BAZ2A: variants seen among roughly 807,000 people sequenced by gnomAD.
BAZ2A encodes bromodomain adjacent to zinc finger domain 2A, also known as bromodomain adjacent to zinc finger domain protein 2A.
Under a neutral mutation model 199.9 loss-of-function variants are expected in BAZ2A, and 34 were observed. That is an observed-to-expected ratio of 0.17 (90% CI 0.13 to 0.23). BAZ2A has a LOEUF of 0.23. Ranked by LOEUF, BAZ2A falls within the 10% of genes least tolerant of loss-of-function variation. BAZ2A has a pLI of 1.00. For missense variants in BAZ2A, 2,002 were observed against 2,391.1 expected, an observed-to-expected ratio of 0.84 and a Z score of 3.39; for synonymous variants, 857 against 883.9, an observed-to-expected ratio of 0.97 and a Z score of 0.54.
intron 1 of BAZ2A, among the ~76,000 whole-genome samples, chr12:56,624,989 T>C (rs889742934): frequency 3.3e-4 from 50 of 152,112 alleles, no homozygotes; most frequent in African/African-American, 1.2e-3. Context: ...TTTTATATAT[T>C]TGTTAATTAA....
At chr12:56,622,964 AG>A (rs1286381253) in intron 1 of BAZ2A, among the ~76,000 whole-genome samples, 3 of 152,174 alleles carry the variant, frequency 2.0e-5, no homozygotes, top group African/African-American at 7.2e-5. Context: ...GACAACACCA[AG>A]AGCAGTGGCT....
At position 56,613,132 on chromosome 12, in the gene BAZ2A, A is replaced by G. The variant is rs758135628; in HGVS notation, c.1018T>C (p.Cys340Arg). The change falls in exon 5 of 29, where the codon TGC becomes CGC. Residue 340 changes from cysteine (C) to arginine (R), a missense_variant. Coordinates refer to ENST00000549884, the MANE Select transcript of BAZ2A (RefSeq NM_001300905.2). ...EDSPVISALD[C>R]PSLNNATAFS... Reference sequence around the variant, plus strand: ...GCAGTAGCATTATTGAGGGAAGGGCAATCAAGGGCAGAAATCACAGGGCTG... The same window carrying G: ...GCAGTAGCATTATTGAGGGAAGGGCGATCAAGGGCAGAAATCACAGGGCTG... The G allele has an allele frequency of 1.4e-5, 22 of 1,613,932 alleles. No homozygotes were observed. The highest frequency in any genetic ancestry group is 1.9e-5 in the Non-Finnish European group (22 of 1,179,910).
In BAZ2A at chr12:56,615,167, TAGG is replaced by T. The variant is rs774410390; in HGVS notation, c.574_576del (p.Pro192del). ...AAGGTTTGAATGCTAGATCCCAACA[TAGG>T]AGAAGTCTGTGGGGAGGTGAAAAAA... On this transcript the variant is annotated inframe_deletion, in exon 3 of 29. Transcript: ENST00000549884. 1.9e-5 allele frequency: 30 copies of T among 1,613,580 alleles called. No homozygotes were observed. In the East Asian group the frequency reaches 5.3e-4, roughly 29 times the overall value.
chr12:56,601,361 C>T lies in BAZ2A; in HGVS notation c.4113G>A (p.Gln1371=), dbSNP rs770291387. 5.9e-5 allele frequency: 96 copies of T among 1,613,864 alleles called. No individual in the cohort carries two copies. The highest frequency in any genetic ancestry group is 4.9e-4 in the Middle Eastern group (3 of 6,084). ...ACCCAGCCAAGGGCGTGGAAGAGAACTGCACTGGAGAACAAGGGTTGGCAG... is the reference window on the plus strand; with the variant it reads ...ACCCAGCCAAGGGCGTGGAAGAGAATTGCACTGGAGAACAAGGGTTGGCAG... ...PSAANPCSPV[Q]FSSTPLAGLA... Residue 1371 remains glutamine (Q), a synonymous_variant, in exon 21 of 29, where the codon CAG becomes CAA. Coordinates refer to ENST00000549884, the MANE Select transcript of BAZ2A (RefSeq NM_001300905.2).
rs1181358355 is a variant in BAZ2A at position 56,635,620 on chromosome 12, T to TG, written c.4+561dup. 6.6e-6 allele frequency among the ~76,000 whole-genome samples: 1 copy of TG among 152,138 alleles called. No homozygotes were observed. Among genetic ancestry groups the TG allele is most frequent in the African/African-American group, 2.4e-5 (1 of 41,438 alleles). Reference sequence around the variant, plus strand: ...AATAGCAGCCCTGGTGAGGCTGATGTGGGACCATGAGAATCGACTTTGGTT... The same window carrying TG: ...AATAGCAGCCCTGGTGAGGCTGATGTGGGGACCATGAGAATCGACTTTGGTT... On this transcript the variant is annotated intron_variant, in intron 1 of 29. Coordinates refer to the BAZ2A transcript ENST00000379441. This position sits in a 1 kb window ranked among gnomAD's most constrained non-coding sequence, Gnocchi z 4.1.
At chr12:56,601,445 G>T in intron 20 of BAZ2A, 43 bp from the exon 21 acceptor site, 1 of 1,594,892 alleles carries the variant, frequency 6.3e-7, no homozygotes, top group Non-Finnish European at 8.5e-7. Context: ...ATGTTTTCAT[G>T]TTTATAGGTT....
At position 56,601,209 on chromosome 12, in the gene BAZ2A, G is replaced by A; in HGVS notation, c.4265C>T (p.Thr1422Ile). 1 of 1,614,062 alleles carries A rather than the reference G, an allele frequency of 6.2e-7. No homozygotes were observed. Among genetic ancestry groups the A allele is most frequent in the South Asian group, 1.1e-5 (1 of 91,092 alleles). ...FFKQMEQRYL[T>I]QLTAQPVPPE... ...TGGGACAGGCTGGGCTGTCAGCTGG[G>A]TTAGGTAACGCTGTTCCATCTGTTT... The change falls in exon 21 of 29, where the codon ACC becomes ATC. Residue 1422 changes from threonine (T) to isoleucine (I), a missense_variant. By Grantham distance (89) the Thr-to-Ile change is moderately conservative (BLOSUM62 -1). Coordinates refer to ENST00000549884, the MANE Select transcript of BAZ2A (RefSeq NM_001300905.2).
rs1179308606 is a variant in BAZ2A at position 56,615,056 on chromosome 12, T to C, written c.688A>G (p.Thr230Ala). ...AGCTCCAAGCTGCCTACCAAGCCAG[T>C]GCCATTCTCTGCCACAACTGAAGTC... ...EMTSVVAENG[T>A]GLVGSLELEE... Residue 230 changes from threonine to alanine, a missense_variant, in exon 3 of 29, where the codon ACT becomes GCT. Thr to Ala is a moderately conservative substitution (Grantham distance 58). Around this residue, in one of 6 missense-constraint regions of BAZ2A, gnomAD observed 641 missense variants for 694.5 expected, o/e 0.92. Transcript: ENST00000549884. The C allele has an allele frequency of 6.2e-7, 1 of 1,613,690 alleles. No individual in the cohort carries two copies. Among genetic ancestry groups the C allele is most frequent in the East Asian group, 2.2e-5 (1 of 44,864 alleles).
At position 56,613,016 on chromosome 12, in the gene BAZ2A, T is replaced by C. The variant is rs1391295091; in HGVS notation, c.1134A>G (p.Gln378=). The part of the protein sequence containing the change: ...SPPVLGESVL[Q]DNSFDLNNGS... Reference sequence around the variant, plus strand: ...TTTGTCCTACCTACCGTCACTTACCTTGCAGGACAGACTCCCCTAGGACAG... The same window carrying C: ...TTTGTCCTACCTACCGTCACTTACCCTGCAGGACAGACTCCCCTAGGACAG... The change falls in exon 5 of 29, where the codon CAA becomes CAG. Residue 378 remains glutamine (Q), a splice_region_variant and synonymous_variant. Coordinates refer to ENST00000549884, the MANE Select transcript of BAZ2A (RefSeq NM_001300905.2). 2 of 1,611,376 alleles carry C rather than the reference T, an allele frequency of 1.2e-6. No individual in the cohort carries two copies. The highest frequency in any genetic ancestry group is 1.7e-5 in the Admixed American group (1 of 59,978).
At chr12:56,617,610 A>C in intron 1 of BAZ2A, 78 bp from the exon 2 acceptor site, 1 of 1,450,790 alleles carries the variant, frequency 6.9e-7, no homozygotes, top group Non-Finnish European at 9.3e-7. Context: ...TCCAGGGGCA[A>C]TGACCCCTCC....
rs1356202731 is a variant in BAZ2A, at chr12:56,609,960, G to A, written c.1882-14C>T. On this transcript the variant is annotated splice_polypyrimidine_tract_variant and intron_variant, in intron 9 of 28. Transcript: ENST00000549884. ...CCACTGCAAGCCCTAAGGTAGCAAG[G>A]GAGACTGTTACAGTAGTAAGGAATC... 2 of 1,611,214 alleles carry A rather than the reference G, an allele frequency of 1.2e-6. No individual in the cohort carries two copies. Among genetic ancestry groups the A allele is most frequent in the African/African-American group, 1.3e-5 (1 of 74,940 alleles).
At chr12:56,635,122 G>A (rs893326291), upstream of BAZ2A, 11 of 837,378 alleles carry the variant, frequency 1.3e-5, no homozygotes, top group Non-Finnish European at 1.6e-5. The surrounding 1 kb of genome is among the most constrained non-coding windows in gnomAD (Gnocchi z 4.1). Context: ...GAGCAGTCGC[G>A]AAGGATCCAC....
At position 56,605,208 on chromosome 12, in the gene BAZ2A, G is replaced by A; in HGVS notation, c.2613C>T (p.Ala871=). 1 of 1,613,706 alleles carries A rather than the reference G, an allele frequency of 6.2e-7. No homozygotes were observed. The highest frequency in any genetic ancestry group is 8.5e-7 in the Non-Finnish European group (1 of 1,179,836). The change falls in exon 14 of 29, where the codon GCC becomes GCT. Residue 871 remains alanine (A), a synonymous_variant. Transcript: ENST00000549884. ...GGACCCCCAGGCTAGGCACATCTTT[G>A]GCAGGATCAAAGCCCAGCACCTTGC... ...SFGKVLGFDP[A]KDVPSLGVLQ... is the part of the protein sequence containing the mutation.
chr12:56,600,163 C>A (rs1565805731), intron 24 of BAZ2A, 38 bp downstream of exon 24: 1 of 1,611,954 alleles, frequency 6.2e-7, no homozygotes, highest in Non-Finnish European at 8.5e-7. Flanking sequence ...TTATCCCTTT[C>A]TCTCCAAGAC....
Position 56,614,118 on chromosome 12 carries a change from T to C in BAZ2A, c.751A>G (p.Asn251Asp), listed in dbSNP as rs1950641885. Residue 251 changes from asparagine (N) to aspartate (D), a missense_variant, in exon 4 of 29, where the codon AAT becomes GAT. Transcript: ENST00000549884. ...GATTCCACAGAAGGGACAGAGCCATTGTAGCCACACATCTTCAGTTCTAGG... is the reference window on the plus strand; with the variant it reads ...GATTCCACAGAAGGGACAGAGCCATCGTAGCCACACATCTTCAGTTCTAGG... ...EQPELKMCGY[N>D]GSVPSVESLH... 1.9e-6 allele frequency: 3 copies of C among 1,613,932 alleles called. No homozygotes were observed. The highest frequency in any genetic ancestry group is 1.6e-4 in the Middle Eastern group (1 of 6,062).
intron 3 of BAZ2A, 46 bp downstream of exon 3, chr12:56,614,968 A>T: frequency 3.4e-6 from 5 of 1,462,168 alleles, no homozygotes; most frequent in Non-Finnish European, 4.7e-6. Flanking sequence ...ATCCCCCCCG[A>T]GCTCCATTTT....
intron 3 of BAZ2A, 170 bp from the exon 4 acceptor site, chr12:56,614,308 G>T: frequency 1.5e-6 from 1 of 645,238 alleles, no homozygotes; most frequent in Non-Finnish European, 2.6e-6. Flanking sequence ...GCAGAGATGT[G>T]CTGGTAAAAT....
At chr12:56,630,694 A>G, upstream of BAZ2A, 1 of 860,368 alleles carries the variant, frequency 1.2e-6, no homozygotes. Flanking sequence ...GGGTAATGGA[A>G]ACGTGGAAAT....
Position 56,604,206 on chromosome 12 carries a change from C to A in BAZ2A, c.3038+11G>T. 1 of 1,599,508 alleles carries A rather than the reference C, an allele frequency of 6.3e-7. No homozygotes were observed. The highest frequency in any genetic ancestry group is 8.5e-7 in the Non-Finnish European group (1 of 1,171,808). ...TCCTCTCTGAGGCTCTACTCTCTGT[C>A]TGGTCCCTACCTCCGGAGCCGGCCT... On this transcript the variant is annotated intron_variant, in intron 16 of 28. Coordinates refer to ENST00000549884, the MANE Select transcript of BAZ2A (RefSeq NM_001300905.2).
Sources: allele counts gnomAD v4.1 joint callset (sites outside exome capture counted in the v4.1 genomes callset), GRCh38; gene constraint gnomAD v4.1.1; regional missense constraint gnomAD v4.1.1; non-coding constraint Gnocchi (gnomAD v3.1); transcripts MANE v1.5; gene names NCBI Gene and HGNC (gene_info 2026-07-23, HGNC 2026-07-21).